The following SRBD1 variants were observed in gnomAD, a reference collection of about 807,000 sequenced individuals.
The protein encoded by SRBD1 is S1 RNA-binding domain-containing protein 1.
A neutral mutation model predicts 115.3 loss-of-function variants in SRBD1; 88 were observed. The observed-to-expected ratio is 0.76, with a 90% CI of 0.64 to 0.91. SRBD1 has a LOEUF of 0.91. SRBD1 is among the 40% of genes least tolerant of loss of function. The pLI is 0.00. For synonymous variants in SRBD1, 509 were observed against 407.7 expected, an observed-to-expected ratio of 1.25 and a Z score of -2.99; for missense variants, 1,385 against 1,177.4, an observed-to-expected ratio of 1.18 and a Z score of -2.58.
In SRBD1 at chr2:45,581,786, A is replaced by G. The variant is rs1300332878; in HGVS notation, c.840T>C (p.Ser280=). The change falls in exon 6 of 21, where the codon AGT becomes AGC. Residue 280 remains serine, a synonymous_variant. Transcript: ENST00000263736. Reference sequence around the variant, plus strand: ...CTTCCTTCTTAATTTTCTGGATTGTACTATGAACTTTCTTTGCAACAGCCC... The same window carrying G: ...CTTCCTTCTTAATTTTCTGGATTGTGCTATGAACTTTCTTTGCAACAGCCC... ...ELRAVAKKVH[S]TIQKIKKEGK... is the part of the protein sequence containing the mutation. 3.1e-6 allele frequency: 5 copies of G among 1,613,368 alleles called. No homozygotes were observed. Among genetic ancestry groups the G allele is most frequent in the Non-Finnish European group, 4.2e-6 (5 of 1,179,724 alleles).
At position 45,495,321 on chromosome 2, in the gene SRBD1, G is replaced by C. The variant is rs139031413; in HGVS notation, c.1875-6990C>G. 5.7e-3 allele frequency among the ~76,000 whole-genome samples: 869 copies of C among 152,250 alleles called. 4 individuals carry two copies. Among genetic ancestry groups the C allele is most frequent in the Non-Finnish European group, 8.9e-3 (608 of 68,006 alleles). ...AATGGTACCTTCAAATGCCATCATGGGGAAAAGCAAATCAACAAACTGAAG... is the reference window on the plus strand; with the variant it reads ...AATGGTACCTTCAAATGCCATCATGCGGAAAAGCAAATCAACAAACTGAAG... On this transcript the variant is annotated intron_variant, in intron 14 of 20. Transcript: ENST00000263736.
intron 3 of SRBD1, among the ~76,000 whole-genome samples, chr2:45,600,779 T>G (rs528674195): frequency 6.6e-6 from 1 of 152,362 alleles, no homozygotes; most frequent in East Asian, 1.9e-4. Flanking sequence ...CTCCGTTACC[T>G]AAATGATGCA....
intron 15 of SRBD1, among the ~76,000 whole-genome samples, chr2:45,484,896 T>C (rs1670068779): frequency 6.6e-6 from 1 of 152,224 alleles, no homozygotes; most frequent in South Asian, 2.1e-4. Flanking sequence ...TTGAGGTTCA[T>C]ATGGTGTTGT....
At chr2:45,408,439 T>C (rs183049627) in intron 19 of SRBD1, among the ~76,000 whole-genome samples, 4 of 152,230 alleles carry the variant, frequency 2.6e-5, no homozygotes, top group Admixed American at 2.0e-4. Flanking sequence ...ACAGAAGAAA[T>C]TTCCCACTAA....
At chr2:45,436,217 T>C (rs960579348) in intron 16 of SRBD1, among the ~76,000 whole-genome samples, 1 of 152,136 alleles carries the variant, frequency 6.6e-6, no homozygotes, top group South Asian at 2.1e-4. Context: ...CACTCATTCA[T>C]GATAAAAATT....
chr2:45,411,683 A>C (rs1307378392), intron 19 of SRBD1, among the ~76,000 whole-genome samples: 1 of 152,222 alleles, frequency 6.6e-6, no homozygotes, highest in East Asian at 1.9e-4. Context: ...TTAAAATTTA[A>C]TTGTTACGTA....
At chr2:45,432,379 T>C (rs936000079) in intron 16 of SRBD1, among the ~76,000 whole-genome samples, 1 of 152,178 alleles carries the variant, frequency 6.6e-6, no homozygotes, top group Admixed American at 6.5e-5. Flanking sequence ...GAAGGAATAC[T>C]GAACAAAATC....
intron 15 of SRBD1, among the ~76,000 whole-genome samples, chr2:45,479,699 G>A (rs1027867435): frequency 2.0e-5 from 3 of 152,230 alleles, no homozygotes; most frequent in Admixed American, 6.5e-5. Flanking sequence ...TGTAGAAGCT[G>A]TAGCAAGTTG....
At chr2:45,407,371 T>C (rs1218044684) in intron 19 of SRBD1, among the ~76,000 whole-genome samples, 5 of 152,194 alleles carry the variant, frequency 3.3e-5, no homozygotes, top group Non-Finnish European at 5.9e-5. Flanking sequence ...TGTAACCTTC[T>C]GCATAAAACT....
Position 45,582,719 on chromosome 2 carries a change from G to A in SRBD1, c.816-909C>T, listed in dbSNP as rs114440633. On this transcript the variant is annotated intron_variant, in intron 5 of 20. Coordinates refer to ENST00000263736, the MANE Select transcript of SRBD1 (RefSeq NM_018079.5). ...TTTTGACATGTATCTGTCATTCTGC[G>A]AGCACTTCCTTATTCTCTGGCATAT... 9.8e-3 allele frequency among the ~76,000 whole-genome samples: 1,494 copies of A among 152,014 alleles called. 22 individuals are homozygous for A. Among genetic ancestry groups the A allele is most frequent in the African/African-American group, 0.034 (1,405 of 41,438 alleles).
At chr2:45,477,886 C>T (rs566521428) in intron 15 of SRBD1, among the ~76,000 whole-genome samples, 1 of 152,230 alleles carries the variant, frequency 6.6e-6, no homozygotes, top group South Asian at 2.1e-4. Flanking sequence ...CCATTACAAT[C>T]CATGCTCAAG....
chr2:45,498,030 G>C (rs773759480), intron 14 of SRBD1, among the ~76,000 whole-genome samples: 2 of 152,138 alleles, frequency 1.3e-5, no homozygotes, highest in Non-Finnish European at 2.9e-5. Context: ...TAGGTGCAAT[G>C]AATGAAGGCT....
chr2:45,424,667 A>C (rs1668100440), intron 16 of SRBD1, among the ~76,000 whole-genome samples: 2 of 152,248 alleles, frequency 1.3e-5, no homozygotes, highest in Admixed American at 1.3e-4. Flanking sequence ...TAAGACAGAC[A>C]TACATATACC....
At position 45,407,332 on chromosome 2, in the gene SRBD1, G is replaced by A. The variant is rs533074656; in HGVS notation, c.2513+5782C>T. 5.3e-5 allele frequency among the ~76,000 whole-genome samples: 8 copies of A among 152,232 alleles called. No homozygotes were observed. The East Asian group carries it at 1.5e-3, about 29-fold the overall frequency. On this transcript the variant is annotated intron_variant, in intron 19 of 20. Transcript: ENST00000263736. Reference sequence around the variant, plus strand: ...AATTTTCTAAATGCCTCTTTCTACAGAATGACATTTTTAAAAACCTACCCT... The same window carrying A: ...AATTTTCTAAATGCCTCTTTCTACAAAATGACATTTTTAAAAACCTACCCT...
chr2:45,416,586 A>G (rs766450753), intron 18 of SRBD1, among the ~76,000 whole-genome samples: 2 of 152,226 alleles, frequency 1.3e-5, no homozygotes, highest in Non-Finnish European at 2.9e-5. Context: ...AAATAAAGCA[A>G]GTTTCAAATA....
chr2:45,476,099 G>C (rs1350382183), intron 16 of SRBD1, among the ~76,000 whole-genome samples: 2 of 152,210 alleles, frequency 1.3e-5, no homozygotes, highest in Non-Finnish European at 2.9e-5. Context: ...TTAAAGGTCT[G>C]AATGCCTTAG....
chr2:45,564,595 C>A (rs1243610014), intron 9 of SRBD1, among the ~76,000 whole-genome samples: 2 of 152,156 alleles, frequency 1.3e-5, no homozygotes, highest in African/African-American at 2.4e-5. Flanking sequence ...TTTATACATA[C>A]TAGCAATAAA....
At chr2:45,521,726 G>C (rs2112039) in intron 14 of SRBD1, among the ~76,000 whole-genome samples, 58 of 152,226 alleles carry the variant, frequency 3.8e-4, no homozygotes, top group African/African-American at 1.2e-3. Flanking sequence ...CAGCACTTTA[G>C]GTGGCCAAAG....
At chr2:45,590,959 G>A (rs1379098806) in intron 4 of SRBD1, among the ~76,000 whole-genome samples, 1 of 151,660 alleles carries the variant, frequency 6.6e-6, no homozygotes, top group Non-Finnish European at 1.5e-5. Flanking sequence ...AGAGGTTGCA[G>A]TGAGCCGAGA....
Sources: allele counts gnomAD v4.1 joint callset (sites outside exome capture counted in the v4.1 genomes callset), GRCh38; gene constraint gnomAD v4.1.1; transcripts MANE v1.5; gene names NCBI Gene and HGNC (gene_info 2026-07-23, HGNC 2026-07-21).